Variants in LONP2 observed in about 807,000 individuals in gnomAD.
LONP2 encodes lon peptidase 2, peroxisomal, also known as lon protease homolog 2, peroxisomal.
A neutral mutation model predicts 85.6 loss-of-function variants in LONP2; 60 were observed. That is an observed-to-expected ratio of 0.70 (90% CI 0.57 to 0.87). The LOEUF (loss-of-function observed/expected upper bound fraction) is 0.87, where lower values mean the gene tolerates loss of function less well. LONP2 is among the 40% of genes least tolerant of loss of function. LONP2 has a pLI of 0.00. For synonymous variants in LONP2, 395 were observed against 389.7 expected, an observed-to-expected ratio of 1.01 and a Z score of -0.16; for missense variants, 860 against 1,063.5, an observed-to-expected ratio of 0.81 and a Z score of 2.66.
At chr16:48,261,636 C>A in intron 5 of LONP2, 49 bp downstream of exon 5, 2 of 1,340,214 alleles carry the variant, frequency 1.5e-6, no homozygotes, top group South Asian at 1.6e-5. Context: ...TCTTGGTACT[C>A]CTGATTAACA....
At chr16:48,357,582 C>G (rs546095030), downstream of LONP2, among the ~76,000 whole-genome samples, 28 of 152,352 alleles carry the variant, frequency 1.8e-4, no homozygotes, top group Middle Eastern at 3.4e-3. Context: ...CATTCTAATG[C>G]AGCAGTCACA....
intron 8 of LONP2, among the ~76,000 whole-genome samples, chr16:48,279,644 G>A (rs1221515445): frequency 1.3e-5 from 2 of 151,638 alleles, no homozygotes; most frequent in African/African-American, 2.4e-5. Flanking sequence ...TAAACTTCCA[G>A]TGTTTTGCTG....
Position 48,244,750 on chromosome 16 carries a change from C to T in LONP2, c.233+129C>T, listed in dbSNP as rs543479205. ...GCCTTCGCGGCTCGGTTCCGCCTCT[C>T]TGGTGCTATCACTTGCAAAATGGGG... is the stretch of plus-strand genomic sequence containing the variant. On this transcript the variant is annotated intron_variant, in intron 1 of 14. Coordinates refer to ENST00000285737, the MANE Select transcript of LONP2 (RefSeq NM_031490.5). 638 of 566,898 alleles carry T rather than the reference C, an allele frequency of 1.1e-3. 1 individual carries two copies. Among genetic ancestry groups the T allele is most frequent in the Middle Eastern group, 2.5e-3 (5 of 2,010 alleles). 35.1% of individuals were successfully genotyped at this position (566,898 alleles called of 1,614,324 possible).
intron 9 of LONP2, among the ~76,000 whole-genome samples, chr16:48,297,781 C>A (rs1446850409): frequency 1.3e-5 from 2 of 151,878 alleles, no homozygotes; most frequent in Non-Finnish European, 2.9e-5. Context: ...CTCACTGCAA[C>A]CTCTATGTCC....
intron 12 of LONP2, among the ~76,000 whole-genome samples, chr16:48,341,132 C>G (rs1959795832): frequency 6.6e-6 from 1 of 151,958 alleles, no homozygotes; most frequent in Admixed American, 6.6e-5. Flanking sequence ...GAAACCCTGT[C>G]TCTACTAAAA....
Position 48,352,682 on chromosome 16 carries a change from T to C in LONP2, c.*880T>C, listed in dbSNP as rs1960187890. On this transcript the variant is annotated 3_prime_UTR_variant, in exon 15 of 15. Coordinates refer to ENST00000285737, the MANE Select transcript of LONP2 (RefSeq NM_031490.5). ...CTACAATGAAGCCTACACATCCCAA[T>C]AGAAGCCCCTTCTTATGCTGAGGGA... 6 of 151,876 alleles carry C rather than the reference T, an allele frequency of 4.0e-5. No homozygotes were observed. Among genetic ancestry groups the C allele is most frequent in the Admixed American group, 3.3e-4 (5 of 15,272 alleles). The allele number at this position is 151,876 out of a possible 1,614,324, so 9.4% of individuals were successfully genotyped here.
rs1223150398 is a variant in LONP2, at chr16:48,355,560, TTC to T, written c.*3760_*3761del. The T allele has an allele frequency of 1.3e-5, 2 of 152,302 alleles. No homozygotes were observed. The highest frequency in any genetic ancestry group is 1.9e-4 in the East Asian group (1 of 5,182). 9.4% of individuals were successfully genotyped at this position (152,302 alleles called of 1,614,324 possible). A position where few individuals can be genotyped will look rare whatever the true frequency, so the allele number is the denominator to read the frequency against. On this transcript the variant is annotated 3_prime_UTR_variant, in exon 15 of 15. Transcript: ENST00000285737. ...ACAAATGACTAAGACAACAGGATAA[TTC>T]TGTTTAACTTTTTGAGAACTGCCAA...
Position 48,328,316 on chromosome 16 carries a change from C to T in LONP2, c.1796-5900C>T, listed in dbSNP as rs1453500862. ...ATCCCAGCACTTTGAGAGGCTGTGG[C>T]GGGTGAATCACGATATCAGGAGTTC... is the stretch of plus-strand genomic sequence containing the variant. On this transcript the variant is annotated intron_variant, in intron 11 of 14. Transcript: ENST00000285737. Among the ~76,000 whole-genome samples, 7 of 151,286 alleles carry T rather than the reference C, an allele frequency of 4.6e-5. No individual in the cohort carries two copies. The East Asian group carries it at 9.8e-4, about 21-fold the overall frequency.
chr16:48,358,951 T>TA (rs1960474312), downstream of LONP2, among the ~76,000 whole-genome samples: 3 of 152,172 alleles, frequency 2.0e-5, no homozygotes, highest in South Asian at 6.2e-4. Context: ...CACTTAATAG[T>TA]AAAACTACAA....
intron 11 of LONP2, among the ~76,000 whole-genome samples, chr16:48,312,391 T>C (rs1336720807): frequency 6.6e-6 from 1 of 152,094 alleles, no homozygotes; most frequent in Non-Finnish European, 1.5e-5. Flanking sequence ...AATATTACTG[T>C]GCTGATTCAT....
In LONP2 at chr16:48,313,640, C is replaced by A. The variant is rs762023911; in HGVS notation, c.1795+10335C>A. Among the ~76,000 whole-genome samples the A allele has an allele frequency of 6.6e-5, 10 of 152,296 alleles. No individual in the cohort carries two copies. The Middle Eastern group carries it at 0.01, about 155-fold the overall frequency. The stretch of plus-strand genomic sequence containing the variant: ...AATGGCTTCTAGTTTCATCCATGTC[C>A]CTGCAGAGGACATGCTCTCGTTCCT... On this transcript the variant is annotated intron_variant, in intron 11 of 14. Transcript: ENST00000285737.
intron 12 of LONP2, among the ~76,000 whole-genome samples, chr16:48,346,948 T>C (rs1318235502): frequency 6.6e-6 from 1 of 152,006 alleles, no homozygotes; most frequent in East Asian, 1.9e-4. Flanking sequence ...GTCAGGAGTT[T>C]GAGACCAGTC....
intron 11 of LONP2, among the ~76,000 whole-genome samples, chr16:48,309,320 T>C (rs1288313478): frequency 6.6e-6 from 1 of 152,160 alleles, no homozygotes; most frequent in Admixed American, 6.5e-5. Context: ...AAAGAATTCA[T>C]TATGTCAAAA....
downstream of LONP2, among the ~76,000 whole-genome samples, chr16:48,360,222 T>G (rs539589738): frequency 6.6e-6 from 1 of 152,354 alleles, no homozygotes; most frequent in Admixed American, 6.5e-5. Context: ...GAACCAAGGC[T>G]CTTAGCCACT....
chr16:48,291,432 A>G (rs1300044299), intron 8 of LONP2, among the ~76,000 whole-genome samples: 1 of 152,256 alleles, frequency 6.6e-6, no homozygotes, highest in African/African-American at 2.4e-5. Context: ...ACAGACATCT[A>G]TAGTTCTTCT....
intron 12 of LONP2, among the ~76,000 whole-genome samples, chr16:48,342,952 C>T (rs760753901): frequency 1.3e-5 from 2 of 152,160 alleles, no homozygotes. Context: ...GGAAAGAAGG[C>T]CTACAAAATT....
intron 10 of LONP2, among the ~76,000 whole-genome samples, chr16:48,301,359 A>G (rs1339983189): frequency 6.6e-6 from 1 of 152,044 alleles, no homozygotes; most frequent in Non-Finnish European, 1.5e-5. Context: ...TTTATTTTTT[A>G]AGACAGGTTT....
In LONP2 at chr16:48,252,288, G is replaced by T. The variant is rs1971671353; in HGVS notation, c.391G>T (p.Glu131Ter). Residue 131 changes from glutamate (E) to a stop codon, truncating the protein, a stop_gained, in exon 2 of 15, where the codon GAG becomes TAG. Coordinates refer to ENST00000285737, the MANE Select transcript of LONP2 (RefSeq NM_031490.5). LOFTEE classifies it high-confidence loss of function. ...IAEVEQLDRL[E>*]EFPNTCKMRE... ...TGAAGTGGAGCAGTTGGACCGACTT[G>T]AGGAGTTTCCCAACACCTGTAAAAT... 2 of 1,614,012 alleles carry T rather than the reference G, an allele frequency of 1.2e-6. No individual in the cohort carries two copies. The highest frequency in any genetic ancestry group is 8.5e-7 in the Non-Finnish European group (1 of 1,179,992).
At chr16:48,266,042 C>T (rs954975609) in intron 6 of LONP2, among the ~76,000 whole-genome samples, 3 of 152,028 alleles carry the variant, frequency 2.0e-5, no homozygotes, top group Admixed American at 1.3e-4. Context: ...TCACTCTTGT[C>T]GCCCAGGCTG....
Sources: allele counts gnomAD v4.1 joint callset (sites outside exome capture counted in the v4.1 genomes callset), GRCh38; gene constraint gnomAD v4.1.1; transcripts MANE v1.5; gene names NCBI Gene and HGNC (gene_info 2026-07-23, HGNC 2026-07-21).